Variants in UNC45B observed in about 807,000 individuals in gnomAD.
UNC45B encodes protein unc-45 homolog B.
In UNC45B, 78 loss-of-function variants were observed where a neutral mutation model predicts 98.7. The observed-to-expected ratio is 0.79, with a 90% CI of 0.66 to 0.95. The LOEUF is 0.95. Among genes scored for constraint, UNC45B ranks in the 40% least tolerant of loss-of-function variants. UNC45B has a pLI of 0.00. For missense variants in UNC45B, 1,225 were observed against 1,184.9 expected (o/e 1.03, Z -0.50); for synonymous variants, 462 against 480.4 (o/e 0.96, Z 0.50).
intron 14 of UNC45B, among the ~76,000 whole-genome samples, chr17:35,175,399 C>T (rs1481340784): frequency 6.6e-6 from 1 of 152,114 alleles, no homozygotes; most frequent in Non-Finnish European, 1.5e-5. Context: ...TGTTCCCCAA[C>T]CAGCCAGACT....
chr17:35,177,066 C>T lies in UNC45B; in HGVS notation c.2075C>T (p.Ala692Val). The T allele has an allele frequency of 6.2e-7, 1 of 1,614,234 alleles. No homozygotes were observed. Among genetic ancestry groups the T allele is most frequent in the Non-Finnish European group, 8.5e-7 (1 of 1,180,046 alleles). ...GGCACAGATGTGGGCAAGGTGAAGG[C>T]AGCCCACGCTCTAGCAAAGATCGCT... The part of the protein sequence containing the change: ...LEGTDVGKVK[A>V]AHALAKIAAV... Residue 692 changes from alanine (A) to valine (V), a missense_variant, in exon 16 of 20, where the codon GCA becomes GTA. Coordinates refer to ENST00000394570, the MANE Select transcript of UNC45B (RefSeq NM_001267052.2).
intron 7 of UNC45B, among the ~76,000 whole-genome samples, chr17:35,156,412 G>C (rs538246026): frequency 3.5e-4 from 53 of 152,284 alleles, no homozygotes; most frequent in African/African-American, 1.2e-3. Flanking sequence ...TGGATCATGA[G>C]GTCAGGAGTT....
chr17:35,158,451 A>G (rs2092079038), intron 7 of UNC45B, among the ~76,000 whole-genome samples: 1 of 152,228 alleles, frequency 6.6e-6, no homozygotes, highest in Admixed American at 6.5e-5. Context: ...GCCACAGGTC[A>G]CATAAGCAGC....
In UNC45B at chr17:35,150,167, C is replaced by T. The variant is rs774414887; in HGVS notation, c.325C>T (p.Arg109Trp). 52 of 1,613,514 alleles carry T rather than the reference C, an allele frequency of 3.2e-5. No homozygotes were observed. Among genetic ancestry groups the T allele is most frequent in the Middle Eastern group, 3.3e-4 (2 of 6,080 alleles). The part of the protein sequence containing the change: ...DVQRCATLEP[R>W]NQNFQEMLRR... ...GCAGCGTTGTGCCACCCTCGAGCCA[C>T]GGAACCAGAACTTCCAGGAGATGCT... The change falls in exon 4 of 20, where the codon CGG (arginine) becomes TGG (tryptophan). Residue 109 changes from arginine to tryptophan, a missense_variant. By Grantham distance (101) the Arg-to-Trp change is moderately radical. Transcript: ENST00000394570.
At chr17:35,171,610 G>T in intron 13 of UNC45B, 148 bp downstream of exon 13, 2 of 867,006 alleles carry the variant, frequency 2.3e-6, no homozygotes, top group South Asian at 2.7e-5. Flanking sequence ...ATATGTTAAT[G>T]GTAAACTTTC....
At chr17:35,168,546 G>A (rs1317163985) in intron 10 of UNC45B, among the ~76,000 whole-genome samples, 185 bp downstream of exon 10, 1 of 152,164 alleles carries the variant, frequency 6.6e-6, no homozygotes, top group African/African-American at 2.4e-5. Context: ...TGTAGATTCA[G>A]AACCGTGAAC....
rs764876939 is a variant in UNC45B, at chr17:35,174,312, G to C, written c.1901G>C (p.Cys634Ser). Residue 634 changes from cysteine to serine, a missense_variant, in exon 14 of 20, where the codon TGC (cysteine) becomes TCC (serine). Coordinates refer to ENST00000394570, the MANE Select transcript of UNC45B (RefSeq NM_001267052.2). ...GCGGGTGTCATCTCTGCCCTGGCTT[G>C]CATGGTGAAAGCAGATAGTGCCATC... ...LKAGVISALA[C>S]MVKADSAILT... is the part of the protein sequence containing the mutation. 7 of 1,614,218 alleles carry C rather than the reference G, an allele frequency of 4.3e-6. No homozygotes were observed. The East Asian group carries it at 1.3e-4, about 31-fold the overall frequency.
chr17:35,184,654 C>A (rs2092293110), intron 19 of UNC45B, among the ~76,000 whole-genome samples: 1 of 152,330 alleles, frequency 6.6e-6, no homozygotes, highest in Admixed American at 6.5e-5. Flanking sequence ...CCCTATTTTA[C>A]AAATGAGGAA....
chr17:35,148,924 G>A, intron 2 of UNC45B, 49 bp from the exon 3 acceptor site: 1 of 1,612,344 alleles, frequency 6.2e-7, no homozygotes, highest in Non-Finnish European at 8.5e-7. Flanking sequence ...GGCCATCTCT[G>A]CATTGGGCCC....
Position 35,152,895 on chromosome 17 carries a change from C to A in UNC45B, c.384C>A (p.Leu128=), listed in dbSNP as rs755248695. 6.2e-7 allele frequency: 1 copy of A among 1,613,986 alleles called. No homozygotes were observed. Among genetic ancestry groups the A allele is most frequent in the Non-Finnish European group, 8.5e-7 (1 of 1,179,888 alleles). The change falls in exon 5 of 20, where the codon CTC becomes CTA. Residue 128 remains leucine, a splice_region_variant and synonymous_variant. Transcript: ENST00000394570. ...CCCACTCCCTCCTCTCTCCTCAGCT[C>A]CGAGTGCAGTTCTCCACAGACTCGA... ...RRLNTSIQEK[L]RVQFSTDSRV...
At chr17:35,155,219 T>TCA (rs1597907960) in intron 6 of UNC45B, 77 bp from the exon 7 acceptor site, 1 of 1,541,064 alleles carries the variant, frequency 6.5e-7, no homozygotes, top group Non-Finnish European at 8.8e-7. Context: ...GGGAGGATTA[T>TCA]CACACCCTCT....
In UNC45B at chr17:35,188,672, T is replaced by G. The variant is rs997537822; in HGVS notation, c.*2113T>G. On this transcript the variant is annotated 3_prime_UTR_variant, in exon 20 of 20. Coordinates refer to ENST00000394570, the MANE Select transcript of UNC45B (RefSeq NM_001267052.2). The stretch of plus-strand genomic sequence containing the variant: ...AATTTTTTTTTGTAGAGACAGGGTC[T>G]CACTATGTTGCCCAGTCTGGGAGAC... 2.0e-5 allele frequency: 3 copies of G among 152,180 alleles called. No homozygotes were observed. Among genetic ancestry groups the G allele is most frequent in the African/African-American group, 7.2e-5 (3 of 41,434 alleles). The allele number at this position is 152,180 out of a possible 1,614,324, so 9.4% of individuals were successfully genotyped here.
chr17:35,177,640 G>A lies in UNC45B; in HGVS notation c.2255+30G>A, dbSNP rs190770746. On this transcript the variant is annotated intron_variant, in intron 17 of 19. Coordinates refer to ENST00000394570, the MANE Select transcript of UNC45B (RefSeq NM_001267052.2). ...GTGTGGTGAGTGTGGCAGGGGTGGA[G>A]AGAGGTGGCTCAAAAAGTGTTTGTT... 3.0e-5 allele frequency: 44 copies of A among 1,484,914 alleles called. No individual in the cohort carries two copies. The East Asian group carries it at 8.9e-4, about 30-fold the overall frequency. The allele number at this position is 1,484,914 out of a possible 1,614,324, so 92.0% of individuals were successfully genotyped here. A position where few individuals can be genotyped will look rare whatever the true frequency, so the allele number is the denominator to read the frequency against.
chr17:35,150,041 T>G lies in UNC45B; in HGVS notation c.206-7T>G. 6.3e-7 allele frequency: 1 copy of G among 1,592,470 alleles called. No homozygotes were observed. On this transcript the variant is annotated splice_region_variant and splice_polypyrimidine_tract_variant and intron_variant, in intron 3 of 19. Transcript: ENST00000394570. ...TAAGGTCCTCATCCCCCGTCTCCCC[T>G]CGATAGCCATCGACATCAACTCCTC...
intron 4 of UNC45B, among the ~76,000 whole-genome samples, chr17:35,150,754 C>T (rs765049406): frequency 1.4e-5 from 2 of 147,842 alleles, no homozygotes; most frequent in Non-Finnish European, 3.0e-5. Flanking sequence ...CTGTCTCTCC[C>T]ACCCCCGCCC....
At chr17:35,173,626 G>A (rs1055369597) in intron 13 of UNC45B, among the ~76,000 whole-genome samples, 1 of 152,034 alleles carries the variant, frequency 6.6e-6, no homozygotes, top group Non-Finnish European at 1.5e-5. Flanking sequence ...CCATTCCATT[G>A]TTACATCTCC....
rs540804458 is a variant in UNC45B at position 35,167,602 on chromosome 17, C to A, written c.1152-459C>A. ...GCACCAGTGCACTCCAGCAACAGAGCAAGACTCAGTCTCAAAAAAAAAAAA... is the reference window on the plus strand; with the variant it reads ...GCACCAGTGCACTCCAGCAACAGAGAAAGACTCAGTCTCAAAAAAAAAAAA... On this transcript the variant is annotated intron_variant, in intron 9 of 19. Transcript: ENST00000394570. Among the ~76,000 whole-genome samples, 71 of 147,852 alleles carry A rather than the reference C, an allele frequency of 4.8e-4. 1 individual carries two copies. Among genetic ancestry groups the A allele is most frequent in the African/African-American group, 1.7e-3 (70 of 40,022 alleles).
At chr17:35,168,472 GGGGGC>G in intron 10 of UNC45B, 111 bp downstream of exon 10, 2 of 953,432 alleles carry the variant, frequency 2.1e-6, no homozygotes, top group Admixed American at 7.8e-5. Flanking sequence ...CCAGGTTCAA[GGGGGC>G]ACCAGACCCA....
Position 35,148,977 on chromosome 17 carries a change from G to A in UNC45B, c.173G>A (p.Ser58Asn). ...NRAACGLKTE[S>N]YVQAASDASR... ...TTCTCCTTCCCCTTTCCTCAGGAGA[G>A]CTACGTCCAGGCAGCTTCAGATGCC... Residue 58 changes from serine (S) to asparagine (N), a missense_variant, in exon 3 of 20, where the codon AGC (serine) becomes AAC (asparagine). Coordinates refer to ENST00000394570, the MANE Select transcript of UNC45B (RefSeq NM_001267052.2). 2 of 1,614,054 alleles carry A rather than the reference G, an allele frequency of 1.2e-6. No individual in the cohort carries two copies. Among genetic ancestry groups the A allele is most frequent in the East Asian group, 2.2e-5 (1 of 44,872 alleles).
Sources: allele counts gnomAD v4.1 joint callset (sites outside exome capture counted in the v4.1 genomes callset), GRCh38; gene constraint gnomAD v4.1.1; transcripts MANE v1.5; gene names NCBI Gene and HGNC (gene_info 2026-07-23, HGNC 2026-07-21).